Variants in LINC00632 observed in about 807,000 individuals in gnomAD.
The protein encoded by LINC00632 is ALDOA related specific transcript.
At chrX:140,756,105 G>T (rs1196688947) in intron 3 of LINC00632, among the ~76,000 whole-genome samples, 1 of 111,264 alleles carries the variant, frequency 9.0e-6, no homozygotes, top group East Asian at 2.8e-4. Context: ...TTTTAGAACA[G>T]CTGTAAGGGG....
chrX:140,715,756 A>T (rs1283567452), intron 2 of LINC00632, among the ~76,000 whole-genome samples: 1 of 112,131 alleles, frequency 8.9e-6, no homozygotes, highest in East Asian at 2.8e-4. Flanking sequence ...TCACTGCTCA[A>T]GCTGCTGCCT....
intron 2 of LINC00632, among the ~76,000 whole-genome samples, chrX:140,732,414 AAC>A (rs1931074164): frequency 9.0e-6 from 1 of 111,075 alleles, no homozygotes. Flanking sequence ...TACCTACCTA[AAC>A]ACACTTTAGA....
intron 3 of LINC00632, among the ~76,000 whole-genome samples, chrX:140,742,929 A>G (rs1931259716): frequency 9.3e-6 from 1 of 107,571 alleles, no homozygotes; most frequent in Admixed American, 1.0e-4. Flanking sequence ...GAAAGGGAAA[A>G]GAAAAGAAAG....
chrX:140,742,877 G>GAAAGGAAGGAAGGAAGGAAGGA (rs61610211), intron 3 of LINC00632, among the ~76,000 whole-genome samples: 1 of 94,410 alleles, frequency 1.1e-5, no homozygotes, highest in African/African-American at 4.1e-5. Flanking sequence ...GAGAGAGAGA[G>GAAAGGAAGGAAGGAAGGAAGGA]AGGAAGGAAG....
At chrX:140,710,723 A>G (rs1473597882) in intron 1 of LINC00632, among the ~76,000 whole-genome samples, 1 of 111,498 alleles carries the variant, frequency 9.0e-6, no homozygotes, top group African/African-American at 3.3e-5. Context: ...GAAAAATGAT[A>G]GATAAATAGA....
At chrX:140,782,124 T>C (rs768320261) in exon 5 of LINC00632, among the ~76,000 whole-genome samples, 19 of 112,208 alleles carry the variant, frequency 1.7e-4, no homozygotes, top group African/African-American at 2.9e-4. Context: ...GCTATTTCCT[T>C]GTGTTTTGCT....
intron 3 of LINC00632, among the ~76,000 whole-genome samples, chrX:140,745,789 A>G (rs1416665753): frequency 1.8e-5 from 2 of 112,092 alleles, no homozygotes; most frequent in Non-Finnish European, 3.8e-5. Context: ...TTTCTTCCCT[A>G]TATTATCCCT....
intron 2 of LINC00632, among the ~76,000 whole-genome samples, chrX:140,729,698 A>G (rs1032369340): frequency 9.1e-6 from 1 of 110,278 alleles, no homozygotes; most frequent in Non-Finnish European, 1.9e-5. Flanking sequence ...AAGCATGCTC[A>G]CCCCAAACCA....
chrX:140,756,479 A>G (rs1026917285), intron 3 of LINC00632, among the ~76,000 whole-genome samples: 4 of 111,655 alleles, frequency 3.6e-5, no homozygotes, highest in Non-Finnish European at 7.5e-5. Flanking sequence ...TGGCATCTCC[A>G]TCCTAGAAGC....
At chrX:140,769,036 G>T (rs1274849437) in intron 3 of LINC00632, among the ~76,000 whole-genome samples, 1 of 109,548 alleles carries the variant, frequency 9.1e-6, no homozygotes, top group East Asian at 2.8e-4. Flanking sequence ...TGTGATTTTG[G>T]TCAGGAGCCA....
intron 3 of LINC00632, among the ~76,000 whole-genome samples, chrX:140,767,441 T>C (rs928325959): frequency 8.9e-6 from 1 of 112,007 alleles, no homozygotes; most frequent in Non-Finnish European, 1.9e-5. Context: ...CCTTAGTTTA[T>C]TGTTTAGCTC....
intron 3 of LINC00632, among the ~76,000 whole-genome samples, chrX:140,754,070 G>A (rs1308385124): frequency 4.5e-5 from 5 of 111,581 alleles, no homozygotes; most frequent in South Asian, 3.7e-4. Flanking sequence ...CACCGCGTCC[G>A]GCTAGCTCCT....
exon 5 of LINC00632, among the ~76,000 whole-genome samples, chrX:140,789,293 T>C (rs1371280238): frequency 9.0e-6 from 1 of 110,950 alleles, no homozygotes; most frequent in Non-Finnish European, 1.9e-5. Flanking sequence ...TAGAAAGTCA[T>C]TTTATAAAAC....
chrX:140,733,725 A>G (rs1216430400), intron 2 of LINC00632, among the ~76,000 whole-genome samples: 1 of 112,594 alleles, frequency 8.9e-6, no homozygotes, highest in Non-Finnish European at 1.9e-5. Flanking sequence ...AATGTAATAT[A>G]GATTACATCC....
chrX:140,724,589 GAC>G (rs754933538), intron 2 of LINC00632, among the ~76,000 whole-genome samples: 3 of 2,903 alleles, frequency 1.0e-3, no homozygotes, highest in Non-Finnish European at 2.2e-3. Flanking sequence ...TACACGCACA[GAC>G]ACACATTCTG....
chrX:140,735,673 T>A (rs1205339257), intron 3 of LINC00632, among the ~76,000 whole-genome samples: 1 of 110,948 alleles, frequency 9.0e-6, no homozygotes, highest in Non-Finnish European at 1.9e-5. Context: ...TTCAAGCGAT[T>A]CTCCTGCCTC....
intron 3 of LINC00632, among the ~76,000 whole-genome samples, chrX:140,735,232 C>A (rs1224649107): frequency 6.3e-5 from 7 of 111,170 alleles, no homozygotes; most frequent in Non-Finnish European, 1.1e-4. Flanking sequence ...CATGTAGTGA[C>A]CTGTCATCAA....
At chrX:140,744,657 C>T (rs1023123869) in intron 3 of LINC00632, among the ~76,000 whole-genome samples, 2 of 107,585 alleles carry the variant, frequency 1.9e-5, no homozygotes, top group African/African-American at 6.8e-5. Context: ...GCAACCTCTG[C>T]CTCCCAGGTG....
chrX:140,786,884 C>A (rs937766541), exon 5 of LINC00632, among the ~76,000 whole-genome samples: 3 of 111,572 alleles, frequency 2.7e-5, no homozygotes, highest in Non-Finnish European at 5.7e-5. Context: ...AGTGAAAAAT[C>A]ATCAGCATAC....
Sources: allele counts gnomAD v4.1 joint callset (sites outside exome capture counted in the v4.1 genomes callset), GRCh38; gene constraint gnomAD v4.1.1; transcripts MANE v1.5; gene names NCBI Gene and HGNC (gene_info 2026-07-23, HGNC 2026-07-21).